The following SDK1 variants were observed in gnomAD, a reference collection of about 807,000 sequenced individuals.
SDK1 encodes the protein sidekick cell adhesion molecule 1.
In SDK1, 157 loss-of-function variants were observed where a neutral mutation model predicts 245.5. The ratio of observed to expected loss-of-function variants is 0.64; its 90% confidence interval spans 0.56 to 0.73. The LOEUF (loss-of-function observed/expected upper bound fraction) is 0.73. Among genes scored for constraint, SDK1 ranks in the 30% least tolerant of loss-of-function variants. The pLI, the probability that SDK1 is intolerant of heterozygous loss-of-function variation, is 0.00. For missense variants in SDK1, 3,583 were observed against 3,002.3 expected, an observed-to-expected ratio of 1.19 and a Z score of -4.52; for synonymous variants, 1,647 against 1,278.5, an observed-to-expected ratio of 1.29 and a Z score of -6.15.
At chr7:3,558,281 C>T (rs10215541) in intron 1 of SDK1, among the ~76,000 whole-genome samples, 36,948 of 152,132 alleles carry the variant, frequency 0.24, 4,707 homozygotes, top group East Asian at 0.36. Flanking sequence ...CAAGAGAGCT[C>T]TAGTATCCTC....
chr7:3,723,309 C>T (rs754126736), intron 4 of SDK1, among the ~76,000 whole-genome samples: 5 of 152,182 alleles, frequency 3.3e-5, no homozygotes, highest in Non-Finnish European at 5.9e-5. Flanking sequence ...AGAAAACAGG[C>T]AGCACTTTCC....
rs566812948 is a variant in SDK1, at chr7:3,492,511, A to G, written c.299-126569A>G. Among the ~76,000 whole-genome samples the G allele has an allele frequency of 2.0e-5, 3 of 152,356 alleles. No individual in the cohort carries two copies. The East Asian group carries it at 5.8e-4, about 29-fold the overall frequency. On this transcript the variant is annotated intron_variant, in intron 1 of 44. Coordinates refer to ENST00000404826, the MANE Select transcript of SDK1 (RefSeq NM_152744.4). Reference sequence around the variant, plus strand: ...TCCGTCTCAAAAAAATACAAAAACAAAAACAACAAAAAAACCTGACGGATG... The same window carrying G: ...TCCGTCTCAAAAAAATACAAAAACAGAAACAACAAAAAAACCTGACGGATG...
chr7:4,215,887 C>T (rs184453858), intron 38 of SDK1, among the ~76,000 whole-genome samples: 83 of 152,314 alleles, frequency 5.4e-4, no homozygotes, highest in African/African-American at 1.9e-3. Context: ...GAGGTAAGCG[C>T]TGCCAACCTC....
chr7:3,880,714 G>A (rs1029959523), intron 5 of SDK1, among the ~76,000 whole-genome samples: 14 of 152,086 alleles, frequency 9.2e-5, no homozygotes, highest in African/African-American at 3.4e-4. Flanking sequence ...CGAGGTGGTG[G>A]AGCTGACCCA....
At chr7:3,928,858 G>C (rs1432149802) in intron 5 of SDK1, among the ~76,000 whole-genome samples, 3 of 152,230 alleles carry the variant, frequency 2.0e-5, no homozygotes, top group African/African-American at 7.2e-5. Flanking sequence ...CTCAAATTCA[G>C]ACAGCAAAGT....
intron 4 of SDK1, among the ~76,000 whole-genome samples, chr7:3,678,535 C>T (rs770609356): frequency 2.6e-5 from 4 of 152,166 alleles, no homozygotes; most frequent in Non-Finnish European, 4.4e-5. Context: ...CATAAAAGAA[C>T]ACCCATTGTG....
At chr7:4,175,693 C>G in intron 33 of SDK1, 82 bp from the exon 34 acceptor site, 1 of 1,164,406 alleles carries the variant, frequency 8.6e-7, no homozygotes, top group Non-Finnish European at 1.3e-6. Context: ...AGGCACCTGT[C>G]TCCCTTGTTC....
chr7:4,263,462 T>C (rs865801339), intron 44 of SDK1, among the ~76,000 whole-genome samples: 1,987 of 73,122 alleles, frequency 0.027, 18 homozygotes, highest in Middle Eastern at 0.13. Flanking sequence ...TAGACCTCTC[T>C]TGAGTGAGGG....
chr7:3,687,803 G>A (rs6462232), intron 4 of SDK1, among the ~76,000 whole-genome samples: 39,514 of 152,068 alleles, frequency 0.26, 7,732 homozygotes, highest in African/African-American at 0.54. Flanking sequence ...TGTGTGTCTT[G>A]ACTGTGTTAA....
intron 1 of SDK1, among the ~76,000 whole-genome samples, chr7:3,570,561 T>C (rs1780081498): frequency 6.6e-6 from 1 of 152,154 alleles, no homozygotes; most frequent in South Asian, 2.1e-4. Flanking sequence ...GTTTCCCATT[T>C]ACTCCATTAC....
At chr7:3,436,505 T>C (rs144440214) in intron 1 of SDK1, among the ~76,000 whole-genome samples, 1 of 152,316 alleles carries the variant, frequency 6.6e-6, no homozygotes, top group East Asian at 1.9e-4. Context: ...TAAATCTGTA[T>C]GCAAGGAGTT....
intron 44 of SDK1, among the ~76,000 whole-genome samples, chr7:4,246,889 C>T (rs755144193): frequency 6.6e-6 from 1 of 152,140 alleles, no homozygotes; most frequent in Non-Finnish European, 1.5e-5. Context: ...GCGGCGTGAC[C>T]CAAAGGGACT....
chr7:4,229,009 G>T (rs1348684196), intron 40 of SDK1, among the ~76,000 whole-genome samples: 1 of 152,184 alleles, frequency 6.6e-6, no homozygotes, highest in Non-Finnish European at 1.5e-5. Flanking sequence ...CTCGAGTGTT[G>T]ACTGAGATGG....
intron 4 of SDK1, among the ~76,000 whole-genome samples, chr7:3,806,998 G>A (rs77834006): frequency 1.3e-5 from 2 of 151,948 alleles, no homozygotes; most frequent in East Asian, 1.9e-4. Context: ...TTGAGTTATC[G>A]ATAGCTGTAT....
chr7:3,906,055 C>T (rs1458757680), intron 5 of SDK1, among the ~76,000 whole-genome samples: 5 of 152,116 alleles, frequency 3.3e-5, no homozygotes, highest in African/African-American at 9.7e-5. Context: ...TCCCATTCAT[C>T]GTTTCTGTCT....
In SDK1 at chr7:4,236,153, G is replaced by C. The variant is rs570295436; in HGVS notation, c.5993-1494G>C. ...TCGTGAGATATAGGATAGAAGCTTCGGGTGGCTGTGTTTGGAAGGGTTCTG... is the reference window on the plus strand; with the variant it reads ...TCGTGAGATATAGGATAGAAGCTTCCGGTGGCTGTGTTTGGAAGGGTTCTG... On this transcript the variant is annotated intron_variant, in intron 41 of 44. Coordinates refer to ENST00000404826, the MANE Select transcript of SDK1 (RefSeq NM_152744.4). Among the ~76,000 whole-genome samples the C allele has an allele frequency of 5.3e-5, 8 of 152,280 alleles. No individual in the cohort carries two copies. The East Asian group carries it at 1.5e-3, about 29-fold the overall frequency.
Position 4,017,298 on chromosome 7 carries a change from G to T in SDK1, c.2548G>T (p.Gly850Trp). Residue 850 changes from glycine (G) to tryptophan (W), a missense_variant, in exon 17 of 45, where the codon GGG becomes TGG. Gly to Trp is a radical substitution (Grantham distance 184, BLOSUM62 -2). Coordinates refer to ENST00000404826, the MANE Select transcript of SDK1 (RefSeq NM_152744.4). The stretch of plus-strand genomic sequence containing the variant: ...TGAGATACAGGTGGCGGCGTACAAC[G>T]GGGCCGGTCTGGGCGTCTTCAGCAG... Reference protein sequence around the residue: ...QYEIQVAAYNGAGLGVFSRAV... With the variant: ...QYEIQVAAYNWAGLGVFSRAV... 1 of 1,613,946 alleles carries T rather than the reference G, an allele frequency of 6.2e-7. No homozygotes were observed. The highest frequency in any genetic ancestry group is 8.5e-7 in the Non-Finnish European group (1 of 1,179,898).
chr7:3,941,311 C>G (rs1324116022), intron 5 of SDK1, among the ~76,000 whole-genome samples: 1 of 152,064 alleles, frequency 6.6e-6, no homozygotes, highest in African/African-American at 2.4e-5. Flanking sequence ...TGACCGTGCT[C>G]CCACCCGCTC....
intron 1 of SDK1, among the ~76,000 whole-genome samples, chr7:3,309,888 A>G (rs1198801078): frequency 1.3e-5 from 2 of 152,180 alleles, no homozygotes; most frequent in Admixed American, 6.5e-5. Flanking sequence ...CTCTTCTAAA[A>G]TGGTTGTCTT....
Sources: gnomAD v4.1 joint callset for allele counts (sites outside exome capture counted in the v4.1 genomes callset) on GRCh38, gnomAD v4.1.1 for gene constraint, MANE v1.5 for transcripts, NCBI Gene and HGNC (gene_info 2026-07-23, HGNC 2026-07-21) for gene names.